METTL22: variants seen among roughly 807,000 people sequenced by gnomAD.
METTL22 encodes the protein methyltransferase 22, Kin17 lysine.
In METTL22, 51 loss-of-function variants were observed where a neutral mutation model predicts 48.4. The ratio of observed to expected loss-of-function variants is 1.05; its 90% CI spans 0.84 to 1.33. METTL22 has a LOEUF of 1.33. Ranked by LOEUF, METTL22 falls within the 40% of genes most tolerant of loss-of-function variation. The probability of loss-of-function intolerance (pLI) is 0.00; values close to 1 mark genes in which losing one functional copy is unlikely to be tolerated. For synonymous variants in METTL22, 255 were observed against 214.1 expected (o/e 1.19, Z -1.67); for missense variants, 678 against 526.9 (o/e 1.29, Z -2.81).
chr16:8,629,156 G>T (rs530386422), intron 3 of METTL22, 46 bp downstream of exon 3: 1 of 1,581,072 alleles, frequency 6.3e-7, no homozygotes, highest in South Asian at 1.2e-5. Context: ...AGGCAACTCC[G>T]CAGTGTCACT....
chr16:8,641,451 T>G (rs766260567), intron 7 of METTL22: 419 of 583,252 alleles, frequency 7.2e-4, no homozygotes, highest in Non-Finnish European at 1.1e-3. Flanking sequence ...GAATTGTGAG[T>G]GCAGACTGCC....
At chr16:8,665,020 G>A in the METTL22 span, among the ~76,000 whole-genome samples, 3 of 152,150 alleles carry the variant, frequency 2.0e-5, no homozygotes, top group African/African-American at 7.2e-5. Flanking sequence ...GTCTGTGAGC[G>A]AGAAAGCTGG....
intron 6 of METTL22, among the ~76,000 whole-genome samples, 158 bp from the exon 7 acceptor site, chr16:8,640,971 TGG>T (rs1491388956): frequency 8.3e-5 from 10 of 121,040 alleles, no homozygotes; most frequent in African/African-American, 2.8e-4. Context: ...GCTGGCTGGC[TGG>T]CTGGCTGGCT....
downstream of METTL22, among the ~76,000 whole-genome samples, chr16:8,651,494 T>C (rs2056897625): frequency 6.6e-6 from 1 of 152,006 alleles, no homozygotes; most frequent in Admixed American, 6.6e-5. Flanking sequence ...AAGGTAGAGT[T>C]TTTGGCTTGG....
intron 2 of METTL22, among the ~76,000 whole-genome samples, chr16:8,628,295 A>G (rs896373736): frequency 2.0e-5 from 3 of 152,210 alleles, no homozygotes; most frequent in African/African-American, 7.2e-5. Flanking sequence ...TGATGAATGA[A>G]TGGATGATCG....
At chr16:8,650,153 C>A (rs1641080), downstream of METTL22, among the ~76,000 whole-genome samples, 16 of 152,218 alleles carry the variant, frequency 1.1e-4, no homozygotes, top group Admixed American at 9.8e-4. Flanking sequence ...TACAGAGACC[C>A]TATCTCTAAA....
downstream of METTL22, among the ~76,000 whole-genome samples, chr16:8,653,006 A>T (rs1182864306): frequency 6.6e-6 from 1 of 152,224 alleles, no homozygotes; most frequent in Non-Finnish European, 1.5e-5. Flanking sequence ...GTTGCATCTC[A>T]GGTGACTGCC....
chr16:8,641,018 G>A (rs2056598292), intron 6 of METTL22, 113 bp from the exon 7 acceptor site: 1 of 955,108 alleles, frequency 1.0e-6, no homozygotes. Context: ...GGATGGGTGA[G>A]AGCAAGGGTG....
downstream of METTL22, among the ~76,000 whole-genome samples, chr16:8,651,431 T>A (rs986064834): frequency 7.0e-6 from 1 of 143,480 alleles, no homozygotes; most frequent in African/African-American, 2.6e-5. Flanking sequence ...GAAAGATGCC[T>A]AGAGTCATAC....
At chr16:8,639,196 GGTTTCTCT>G in intron 6 of METTL22, 34 bp downstream of exon 6, 1 of 1,609,652 alleles carries the variant, frequency 6.2e-7, no homozygotes, top group Non-Finnish European at 8.5e-7. Flanking sequence ...CAGGGAGGGA[GGTTTCTCT>G]GTTTAGCAGA....
intron 2 of METTL22, among the ~76,000 whole-genome samples, chr16:8,627,646 AC>A (rs2056106327): frequency 6.6e-6 from 1 of 152,208 alleles, no homozygotes; most frequent in African/African-American, 2.4e-5. Context: ...TTATGAAGCC[AC>A]AGCCATGCCC....
chr16:8,641,377 C>T lies in METTL22; in HGVS notation c.826+193C>T, dbSNP rs369480057. On this transcript the variant is annotated intron_variant, in intron 7 of 10. Transcript: ENST00000381920. ...CTCTGAGCGCCTGCTGCATGCTGGG[C>T]ACCTCACGTTCATTTTCTTCTCCAG... The T allele has an allele frequency of 1.0e-5, 7 of 686,620 alleles. No individual in the cohort carries two copies. The East Asian group carries it at 1.1e-4, about 11-fold the overall frequency. 42.5% of individuals were successfully genotyped at this position (686,620 alleles called of 1,614,324 possible).
chr16:8,628,692 C>T, intron 2 of METTL22, 38 bp from the exon 3 acceptor site: 1 of 1,557,500 alleles, frequency 6.4e-7, no homozygotes, highest in Non-Finnish European at 8.7e-7. Flanking sequence ...AAGAAAACAT[C>T]TTGGAATTCT....
chr16:8,631,526 CAT>C (rs1458776990), intron 3 of METTL22: 2 of 152,200 alleles, frequency 1.3e-5, no homozygotes, highest in East Asian at 3.9e-4. Context: ...AGAGACAGCA[CAT>C]ACAAAGCTCT....
intron 2 of METTL22, 38 bp downstream of exon 2, chr16:8,625,836 T>G: frequency 6.2e-7 from 1 of 1,610,052 alleles, no homozygotes; most frequent in Non-Finnish European, 8.5e-7. Flanking sequence ...GGATCCTATT[T>G]TGTTTTCTGC....
At chr16:8,635,459 T>TC in intron 5 of METTL22, 147 bp downstream of exon 5, 1 of 951,498 alleles carries the variant, frequency 1.1e-6, no homozygotes, top group Non-Finnish European at 1.5e-6. Context: ...CTCTCCACTC[T>TC]CCATTTATTC....
At chr16:8,664,719 C>G in the METTL22 span, among the ~76,000 whole-genome samples, 16,874 of 152,128 alleles carry the variant, frequency 0.11, 1,029 homozygotes, top group African/African-American at 0.13. Flanking sequence ...CCTCAGCCTT[C>G]CAAAGTGCTG....
the METTL22 span, chr16:8,666,657 G>T: frequency 6.6e-6 from 1 of 152,138 alleles, no homozygotes; most frequent in African/African-American, 2.4e-5. Flanking sequence ...AGTCATCTAT[G>T]TAAAGTCATG....
intron 8 of METTL22, 110 bp from the exon 9 acceptor site, chr16:8,642,353 G>T (rs2056646827): frequency 7.8e-7 from 1 of 1,275,392 alleles, no homozygotes; most frequent in Non-Finnish European, 1.1e-6. Context: ...TCTGGAAGCT[G>T]CTGCTGTTCC....
Sources: allele counts gnomAD v4.1 joint callset (sites outside exome capture counted in the v4.1 genomes callset), GRCh38; gene constraint gnomAD v4.1.1; transcripts MANE v1.5; gene names NCBI Gene and HGNC (gene_info 2026-07-23, HGNC 2026-07-21).